The following SMIM8 variants were observed in gnomAD, a reference collection of about 807,000 sequenced individuals.
The protein encoded by SMIM8 is small integral membrane protein 8, also known as UPF0708 protein C6orf162.
SMIM8 carries 8 observed loss-of-function variants against 8.1 expected under a neutral mutation model. The ratio of observed to expected loss-of-function variants is 0.99; its 90% CI spans 0.58 to 1.78. SMIM8 has a LOEUF of 1.78. Ranked by LOEUF, SMIM8 falls within the 40% of genes most tolerant of loss-of-function variation. The pLI, the probability that SMIM8 is intolerant of heterozygous loss-of-function variation, is 0.00. For missense variants in SMIM8, 126 were observed against 119.8 expected (o/e 1.05, Z -0.24); for synonymous variants, 45 against 39.7 (o/e 1.13, Z -0.50).
At chr6:87,325,534 T>C (rs1228573547) in intron 1 of SMIM8, among the ~76,000 whole-genome samples, 2 of 149,880 alleles carry the variant, frequency 1.3e-5, no homozygotes, top group Non-Finnish European at 3.0e-5. Context: ...CATGTGGTTT[T>C]TGTCTTTGGT....
At chr6:87,323,170 TCA>T (rs1776713565) in intron 1 of SMIM8, 1 of 152,244 alleles carries the variant, frequency 6.6e-6, no homozygotes, top group South Asian at 2.1e-4. Context: ...CAGATGAGAC[TCA>T]GATTGTCAGT....
chr6:87,340,623 G>T lies in SMIM8; in HGVS notation c.*349G>T, dbSNP rs1007257980. 3 of 158,866 alleles carry T rather than the reference G, an allele frequency of 1.9e-5. No individual in the cohort carries two copies. The highest frequency in any genetic ancestry group is 7.2e-5 in the African/African-American group (3 of 41,776). 9.8% of individuals were successfully genotyped at this position (158,866 alleles called of 1,614,324 possible). ...AAATATTTTAAGATGAATTATGCCG[G>T]TGCAGCTGTCGTGAAAGTTTACTTG... On this transcript the variant is annotated 3_prime_UTR_variant, in exon 4 of 4. Transcript: ENST00000392863.
intron 1 of SMIM8, chr6:87,329,023 C>A (rs138243989): frequency 0.072 from 10,989 of 152,938 alleles, 482 homozygotes; most frequent in Middle Eastern, 0.13. Flanking sequence ...TTCCATGTGC[C>A]GTCTGTCACC....
At chr6:87,323,979 G>T (rs2127914352) in intron 1 of SMIM8, among the ~76,000 whole-genome samples, 1 of 150,810 alleles carries the variant, frequency 6.6e-6, no homozygotes, top group Non-Finnish European at 1.5e-5. Flanking sequence ...ACTGCTGTGA[G>T]ATGGTATCTC....
chr6:87,324,121 C>G (rs148282876), intron 1 of SMIM8, among the ~76,000 whole-genome samples: 10,294 of 150,906 alleles, frequency 0.068, 737 homozygotes, highest in African/African-American at 0.18. Flanking sequence ...TGATGGGGTT[C>G]TTTGTTTTTG....
At chr6:87,335,988 G>C (rs1221745468) in intron 2 of SMIM8, among the ~76,000 whole-genome samples, 1 of 151,564 alleles carries the variant, frequency 6.6e-6, no homozygotes, top group East Asian at 1.9e-4. Context: ...GCCACTGCAC[G>C]TGCATTCCAG....
intron 2 of SMIM8, among the ~76,000 whole-genome samples, chr6:87,331,533 C>G (rs1322575702): frequency 9.2e-5 from 14 of 152,152 alleles, no homozygotes; most frequent in Admixed American, 9.2e-4. Context: ...GTCAGCCATA[C>G]TTGTACAGCT....
At chr6:87,331,030 C>G (rs916542930) in intron 2 of SMIM8, 5 of 152,108 alleles carry the variant, frequency 3.3e-5, no homozygotes, top group Admixed American at 3.3e-4. Context: ...CCTTGCTAAT[C>G]TATGTGTATG....
At chr6:87,339,594 G>T (rs778015730) in intron 3 of SMIM8, among the ~76,000 whole-genome samples, 1 of 152,034 alleles carries the variant, frequency 6.6e-6, no homozygotes, top group African/African-American at 2.4e-5. Context: ...AGAGAAGAGT[G>T]TATACATCAT....
chr6:87,328,439 G>C (rs897953560), intron 1 of SMIM8, among the ~76,000 whole-genome samples: 2 of 151,942 alleles, frequency 1.3e-5, no homozygotes, highest in Admixed American at 6.6e-5. Flanking sequence ...TGGTGTGGAT[G>C]TCCTTTCTGT....
intron 2 of SMIM8, among the ~76,000 whole-genome samples, chr6:87,335,749 C>G (rs775836164): frequency 6.7e-6 from 1 of 149,982 alleles, no homozygotes; most frequent in Non-Finnish European, 1.5e-5. Context: ...TGGGATCATG[C>G]CTGTAATCCC....
intron 2 of SMIM8, among the ~76,000 whole-genome samples, chr6:87,336,773 A>G (rs1239654729): frequency 6.6e-6 from 1 of 152,182 alleles, no homozygotes; most frequent in Non-Finnish European, 1.5e-5. Flanking sequence ...CAGGAAAACA[A>G]CCTTTGCCCA....
At chr6:87,334,073 A>T (rs1714813822) in intron 2 of SMIM8, among the ~76,000 whole-genome samples, 1 of 152,150 alleles carries the variant, frequency 6.6e-6, no homozygotes, top group Admixed American at 6.5e-5. Flanking sequence ...TGTCACACTT[A>T]AACAACCAGA....
chr6:87,338,906 C>CTTTTTTTTTTTTT (rs58307492), intron 3 of SMIM8, among the ~76,000 whole-genome samples: 1 of 116,104 alleles, frequency 8.6e-6, no homozygotes, highest in African/African-American at 3.4e-5. Context: ...TATTTAAAAG[C>CTTTTTTTTTTTTT]TTTTTTTTTT....
In SMIM8 at chr6:87,337,074, C is replaced by T; in HGVS notation, c.43C>T (p.Pro15Ser). 6.2e-7 allele frequency: 1 copy of T among 1,613,056 alleles called. No homozygotes were observed. The highest frequency in any genetic ancestry group is 8.5e-7 in the Non-Finnish European group (1 of 1,179,392). Residue 15 changes from proline to serine, a missense_variant, in exon 3 of 4, where the codon CCC becomes TCC. Physicochemically the swap from Pro to Ser is moderately conservative, Grantham distance 74. Transcript: ENST00000392863. ...GCCTCCAACATTCAAAAAGGAACCA[C>T]CCAAAGAGAAAGAGTTTCAAAGCCC... The part of the protein sequence containing the change: ...PEPPTFKKEP[P>S]KEKEFQSPGL...
Position 87,328,268 on chromosome 6 carries a change from C to T in SMIM8, c.-44-2424C>T, listed in dbSNP as rs980335385. Among the ~76,000 whole-genome samples, 9 of 151,696 alleles carry T rather than the reference C, an allele frequency of 5.9e-5. No individual in the cohort carries two copies. In the East Asian group the frequency reaches 7.8e-4, roughly 13 times the overall value. ...CTCTCAGCTCGTCAAAGTCATTCTC[C>T]GTCCAACTTTGTTCCGTTGCTCGTG... is the stretch of plus-strand genomic sequence containing the variant. On this transcript the variant is annotated intron_variant, in intron 1 of 3. Coordinates refer to ENST00000392863, the MANE Select transcript of SMIM8 (RefSeq NM_001042493.3).
intron 1 of SMIM8, among the ~76,000 whole-genome samples, chr6:87,326,828 C>T (rs1776834031): frequency 8.3e-6 from 1 of 120,220 alleles, no homozygotes; most frequent in Admixed American, 8.0e-5. Flanking sequence ...TCCTTGTTGA[C>T]TTTCTGTCTC....
intron 1 of SMIM8, among the ~76,000 whole-genome samples, chr6:87,327,567 A>T (rs1325127688): frequency 3.3e-5 from 5 of 150,462 alleles, no homozygotes; most frequent in Admixed American, 2.0e-4. Context: ...TTCTTTAAGA[A>T]TGTTGAATAT....
At chr6:87,323,661 A>C (rs2127914002) in intron 1 of SMIM8, among the ~76,000 whole-genome samples, 1 of 151,950 alleles carries the variant, frequency 6.6e-6, no homozygotes, top group East Asian at 1.9e-4. Flanking sequence ...CATTTTCTTA[A>C]TCCAGTCTAT....
Sources: gnomAD v4.1 joint callset for allele counts (sites outside exome capture counted in the v4.1 genomes callset) on GRCh38, gnomAD v4.1.1 for gene constraint, MANE v1.5 for transcripts, NCBI Gene and HGNC (gene_info 2026-07-23, HGNC 2026-07-21) for gene names.